The following CACNA1C variants were observed in gnomAD, a reference collection of about 807,000 sequenced individuals.
CACNA1C encodes the protein voltage-dependent L-type calcium channel subunit alpha-1C.
In CACNA1C, 30 loss-of-function variants were observed where a neutral mutation model predicts 229.0. The observed-to-expected ratio is 0.13, with a 90% confidence interval of 0.10 to 0.18. The LOEUF (loss-of-function observed/expected upper bound fraction) is 0.18, where lower values mean the gene tolerates loss of function less well. Among genes scored for constraint, CACNA1C ranks in the 10% least tolerant of loss-of-function variants. The probability of loss-of-function intolerance (pLI) is 1.00; values close to 1 mark genes in which losing one functional copy is unlikely to be tolerated. For missense variants in CACNA1C, 1,658 were observed against 2,845.0 expected (o/e 0.58, Z 9.49); for synonymous variants, 1,114 against 1,132.5 (o/e 0.98, Z 0.33).
intron 3 of CACNA1C, among the ~76,000 whole-genome samples, chr12:2,277,173 G>A (rs2088678153): frequency 6.6e-6 from 1 of 152,014 alleles, no homozygotes; most frequent in Non-Finnish European, 1.5e-5. Context: ...TATTGTTATT[G>A]TTATTATTAT....
chr12:2,624,478 A>G (rs997015273), intron 29 of CACNA1C, among the ~76,000 whole-genome samples: 1 of 152,190 alleles, frequency 6.6e-6, no homozygotes, highest in African/African-American at 2.4e-5. Flanking sequence ...TAGAAATATG[A>G]CCGTATCTTG....
At chr12:2,436,114 G>C (rs1407440661) in intron 3 of CACNA1C, among the ~76,000 whole-genome samples, 1 of 152,204 alleles carries the variant, frequency 6.6e-6, no homozygotes, top group Non-Finnish European at 1.5e-5. Context: ...GAGAAGACAA[G>C]ATATGGAGGT....
chr12:2,068,686 CAG>C (rs1478284871), intron 1 of CACNA1C, among the ~76,000 whole-genome samples: 2 of 152,218 alleles, frequency 1.3e-5, no homozygotes, highest in African/African-American at 2.4e-5. Flanking sequence ...TGCCTGGAAA[CAG>C]TGTGTTATGA....
intron 5 of CACNA1C, among the ~76,000 whole-genome samples, chr12:2,463,290 T>C (rs1442047067): frequency 6.6e-6 from 1 of 152,168 alleles, no homozygotes; most frequent in Non-Finnish European, 1.5e-5. Context: ...AAATAGATGA[T>C]TGCGAGGGTA....
chr12:2,265,270 G>T (rs1467992481), intron 3 of CACNA1C, among the ~76,000 whole-genome samples: 1 of 152,152 alleles, frequency 6.6e-6, no homozygotes, highest in Non-Finnish European at 1.5e-5. Context: ...CCGACCCTCT[G>T]CTCCTCAACT....
intron 3 of CACNA1C, among the ~76,000 whole-genome samples, chr12:2,423,984 C>T (rs1355445688): frequency 6.6e-5 from 10 of 152,248 alleles, no homozygotes; most frequent in Admixed American, 5.9e-4. Flanking sequence ...TGCTCCCTCC[C>T]GCTCCCCCTC....
intron 3 of CACNA1C, among the ~76,000 whole-genome samples, chr12:2,425,090 G>T (rs1432391995): frequency 6.6e-6 from 1 of 152,256 alleles, no homozygotes; most frequent in Non-Finnish European, 1.5e-5. Flanking sequence ...ACATTCCCCA[G>T]GGAGGGATAG....
chr12:2,687,538 C>CTTT (rs35920419), intron 45 of CACNA1C, among the ~76,000 whole-genome samples: 1 of 138,188 alleles, frequency 7.2e-6, no homozygotes, highest in African/African-American at 2.7e-5. Flanking sequence ...TACCGTGTGA[C>CTTT]TTTTTTTTTT....
chr12:2,036,335 G>A (rs2049133580), intron 1 of CACNA1C, among the ~76,000 whole-genome samples: 1 of 152,158 alleles, frequency 6.6e-6, no homozygotes, highest in Admixed American at 6.5e-5. Context: ...CAGGGTAGGC[G>A]CTCTGATCAT....
intron 9 of CACNA1C, among the ~76,000 whole-genome samples, chr12:2,528,528 GA>G (rs1257929138): frequency 2.0e-5 from 3 of 152,192 alleles, no homozygotes; most frequent in Non-Finnish European, 4.4e-5. Flanking sequence ...TCTCTGCACG[GA>G]AAGCCCAGCC....
At chr12:2,125,467 G>C (rs973191984) in intron 3 of CACNA1C, among the ~76,000 whole-genome samples, 2 of 152,130 alleles carry the variant, frequency 1.3e-5, no homozygotes, top group Non-Finnish European at 2.9e-5. Context: ...AATGAAGCTT[G>C]AGAAATCCTC....
intron 13 of CACNA1C, among the ~76,000 whole-genome samples, chr12:2,571,177 A>C (rs373825398): frequency 7.2e-5 from 11 of 152,314 alleles, no homozygotes; most frequent in African/African-American, 2.2e-4. Context: ...CAGTTGCCCA[A>C]GGTCACAAAA....
chr12:2,426,765 T>C (rs1017316009), intron 3 of CACNA1C, among the ~76,000 whole-genome samples: 2 of 152,214 alleles, frequency 1.3e-5, no homozygotes, highest in African/African-American at 4.8e-5. Flanking sequence ...AGGCAGTTCA[T>C]AGTGGCATTG....
At chr12:2,454,897 C>A (rs556410522) in intron 4 of CACNA1C, among the ~76,000 whole-genome samples, 1 of 152,216 alleles carries the variant, frequency 6.6e-6, no homozygotes, top group African/African-American at 2.4e-5. Context: ...CCCACAACCA[C>A]GCGTCTATGC....
intron 3 of CACNA1C, among the ~76,000 whole-genome samples, chr12:2,140,365 A>G (rs949341341): frequency 9.9e-5 from 15 of 151,472 alleles, no homozygotes; most frequent in African/African-American, 3.4e-4. Flanking sequence ...TTCTTAACAC[A>G]GTTCCTGAAA....
intron 3 of CACNA1C, among the ~76,000 whole-genome samples, chr12:2,292,096 C>T (rs948175581): frequency 6.6e-6 from 1 of 152,198 alleles, no homozygotes; most frequent in African/African-American, 2.4e-5. Flanking sequence ...AGTCAATTGA[C>T]AGACAGCCAT....
chr12:2,221,432 G>T (rs768870617), intron 3 of CACNA1C, among the ~76,000 whole-genome samples: 2 of 152,166 alleles, frequency 1.3e-5, no homozygotes, highest in Non-Finnish European at 2.9e-5. Context: ...TTGGCCAGTG[G>T]GATGAATGCA....
At chr12:2,463,187 G>A (rs2099526463) in intron 5 of CACNA1C, among the ~76,000 whole-genome samples, 1 of 152,180 alleles carries the variant, frequency 6.6e-6, no homozygotes, top group Non-Finnish European at 1.5e-5. Flanking sequence ...GGGATTACAG[G>A]CGTGAGCCAC....
chr12:2,261,054 C>G (rs1247226323), intron 3 of CACNA1C, among the ~76,000 whole-genome samples: 1 of 151,944 alleles, frequency 6.6e-6, no homozygotes, highest in East Asian at 1.9e-4. Context: ...CATGGTAAAA[C>G]CCTGTCTCTA....
Sources: allele counts gnomAD v4.1 joint callset (sites outside exome capture counted in the v4.1 genomes callset), GRCh38; gene constraint gnomAD v4.1.1; transcripts MANE v1.5; gene names NCBI Gene and HGNC (gene_info 2026-07-23, HGNC 2026-07-21).